The following KSR2 variants were observed in gnomAD, a reference collection of about 807,000 sequenced individuals.
The protein encoded by KSR2 is kinase suppressor of ras 2.
In KSR2, 25 loss-of-function variants were observed where a neutral mutation model predicts 107.8. The observed-to-expected ratio is 0.23, with a 90% CI of 0.17 to 0.32. The LOEUF (loss-of-function observed/expected upper bound fraction) is 0.32. Ranked by LOEUF, KSR2 falls within the 10% of genes least tolerant of loss-of-function variation. The pLI, the probability that KSR2 is intolerant of heterozygous loss-of-function variation, is 1.00. For synonymous variants in KSR2, 480 were observed against 507.0 expected (o/e 0.95, Z 0.71); for missense variants, 887 against 1,268.9 (o/e 0.70, Z 4.57).
intron 1 of KSR2, among the ~76,000 whole-genome samples, chr12:117,966,091 T>C (rs1417254353): frequency 6.6e-6 from 1 of 152,046 alleles, no homozygotes; most frequent in Non-Finnish European, 1.5e-5. Flanking sequence ...CCCATAGCCA[T>C]CCTACCAGTG....
chr12:117,655,809 C>T (rs1185454921), intron 5 of KSR2, among the ~76,000 whole-genome samples: 3 of 152,174 alleles, frequency 2.0e-5, no homozygotes, highest in Non-Finnish European at 2.9e-5. Flanking sequence ...CAAGATGAAA[C>T]CAGTCTGCTA....
intron 5 of KSR2, among the ~76,000 whole-genome samples, chr12:117,587,964 C>G (rs1880109453): frequency 6.6e-6 from 1 of 152,192 alleles, no homozygotes; most frequent in African/African-American, 2.4e-5. Flanking sequence ...CTCCATCACC[C>G]CAACCCCTAC....
At chr12:117,782,501 G>A (rs1889921412) in intron 3 of KSR2, among the ~76,000 whole-genome samples, 2 of 152,186 alleles carry the variant, frequency 1.3e-5, no homozygotes, top group Admixed American at 1.3e-4. Context: ...CTGGACTCAA[G>A]TGATCCATCC....
chr12:117,696,345 A>C (rs1335161360), intron 4 of KSR2, among the ~76,000 whole-genome samples: 1 of 152,202 alleles, frequency 6.6e-6, no homozygotes, highest in Non-Finnish European at 1.5e-5. Flanking sequence ...ACACATTTTC[A>C]AAAGTAATCA....
intron 4 of KSR2, among the ~76,000 whole-genome samples, chr12:117,729,364 C>G (rs920976536): frequency 6.6e-6 from 1 of 152,008 alleles, no homozygotes; most frequent in Non-Finnish European, 1.5e-5. Flanking sequence ...TAGTTGCATA[C>G]GACAACAGGG....
intron 1 of KSR2, among the ~76,000 whole-genome samples, chr12:117,871,332 T>A (rs1893644224): frequency 6.6e-6 from 1 of 152,120 alleles, no homozygotes; most frequent in African/African-American, 2.4e-5. Context: ...CTCACACCTG[T>A]AGTCTCAGCA....
At chr12:117,785,586 A>G (rs1281654939) in intron 3 of KSR2, among the ~76,000 whole-genome samples, 1 of 152,202 alleles carries the variant, frequency 6.6e-6, no homozygotes, top group Non-Finnish European at 1.5e-5. Flanking sequence ...ATAGAGAAAC[A>G]GAAGCTATTA....
At chr12:117,677,061 T>C (rs1264585108) in intron 4 of KSR2, 5 of 152,160 alleles carry the variant, frequency 3.3e-5, no homozygotes, top group Admixed American at 3.3e-4. Flanking sequence ...GCAGGAAGCC[T>C]TCCTTGAAGA....
chr12:117,480,048 G>A (rs1872069610), intron 16 of KSR2, among the ~76,000 whole-genome samples: 1 of 152,028 alleles, frequency 6.6e-6, no homozygotes, highest in African/African-American at 2.4e-5. Flanking sequence ...GTGTGTGTGT[G>A]TGTGTGTGTG....
chr12:117,796,824 A>C lies in KSR2; in HGVS notation c.473-35300T>G, dbSNP rs78713639. 8.3e-3 allele frequency among the ~76,000 whole-genome samples: 1,258 copies of C among 152,150 alleles called. 24 individuals are homozygous for C. Among genetic ancestry groups the C allele is most frequent in the African/African-American group, 0.029 (1,218 of 41,494 alleles). On this transcript the variant is annotated intron_variant, in intron 3 of 19. Transcript: ENST00000339824. ...CCAGCTCAACCCATATGTTGATAGA[A>C]CCCCCATGGCATTCAGTCCCAGACC...
intron 3 of KSR2, among the ~76,000 whole-genome samples, chr12:117,794,222 CACACCAACA>C (rs1890480581): frequency 9.5e-6 from 1 of 105,142 alleles, no homozygotes; most frequent in Non-Finnish European, 1.9e-5. Context: ...AACATGCACA[CACACCAACA>C]TGCACACTCA....
At chr12:117,477,180 A>G (rs916420001) in intron 16 of KSR2, among the ~76,000 whole-genome samples, 2 of 152,138 alleles carry the variant, frequency 1.3e-5, no homozygotes, top group African/African-American at 4.8e-5. Context: ...CTCTGTCTCA[A>G]CCTCCATCCT....
Position 117,579,175 on chromosome 12 carries a change from C to T in KSR2, c.1269G>A (p.Gln423=), listed in dbSNP as rs761697148. ...HRFSTKYWMS[Q]TCTVCGKGML... ...TCCCTTTCCCACAGACTGTGCACGTCTGAGACATCCAGTACTTGGTGGAAA... is the reference window on the plus strand; with the variant it reads ...TCCCTTTCCCACAGACTGTGCACGTTTGAGACATCCAGTACTTGGTGGAAA... Residue 423 remains glutamine (Q), a synonymous_variant, in exon 7 of 20, where the codon CAG becomes CAA. Transcript: ENST00000339824. 2 of 1,613,738 alleles carry T rather than the reference C, an allele frequency of 1.2e-6. No homozygotes were observed. Among genetic ancestry groups the T allele is most frequent in the South Asian group, 1.1e-5 (1 of 90,930 alleles).
At chr12:117,544,810 T>C (rs1876739300) in intron 9 of KSR2, among the ~76,000 whole-genome samples, 1 of 152,226 alleles carries the variant, frequency 6.6e-6, no homozygotes, top group South Asian at 2.1e-4. Flanking sequence ...CTTTCCAATC[T>C]GCATGTCTTG....
intron 9 of KSR2, among the ~76,000 whole-genome samples, chr12:117,540,618 T>C (rs949970972): frequency 6.6e-6 from 1 of 152,138 alleles, no homozygotes. Flanking sequence ...CAATGACAAA[T>C]ATCCAAATCA....
intron 3 of KSR2, among the ~76,000 whole-genome samples, chr12:117,814,803 C>G (rs1891314914): frequency 6.6e-6 from 1 of 152,144 alleles, no homozygotes; most frequent in African/African-American, 2.4e-5. Context: ...TTGAATCACC[C>G]AGGTACATGT....
intron 14 of KSR2, among the ~76,000 whole-genome samples, chr12:117,499,344 G>A (rs1234185159): frequency 6.6e-6 from 1 of 152,150 alleles, no homozygotes; most frequent in Non-Finnish European, 1.5e-5. Context: ...TCCCCTTGCT[G>A]CTTATCTTTC....
chr12:117,520,058 T>A (rs1020180023), intron 14 of KSR2, among the ~76,000 whole-genome samples: 2 of 152,162 alleles, frequency 1.3e-5, no homozygotes, highest in East Asian at 1.9e-4. Context: ...AAATGCAGAA[T>A]CTCTGTGTCA....
At position 117,582,271 on chromosome 12, in the gene KSR2, A is replaced by G. The variant is rs1164693285; in HGVS notation, c.1241+19T>C. 16 of 1,609,348 alleles carry G rather than the reference A, an allele frequency of 9.9e-6. No homozygotes were observed. Among genetic ancestry groups the G allele is most frequent in the Admixed American group, 3.3e-5 (2 of 59,996 alleles). ...AGAGCTGAGAAGTAGGCACCAGTGC[A>G]CACAGGAATCCAGCCTACCTGTGCT... is the stretch of plus-strand genomic sequence containing the variant. On this transcript the variant is annotated intron_variant, in intron 6 of 19. Transcript: ENST00000339824.
Sources: allele counts gnomAD v4.1 joint callset (sites outside exome capture counted in the v4.1 genomes callset), GRCh38; gene constraint gnomAD v4.1.1; transcripts MANE v1.5; gene names NCBI Gene and HGNC (gene_info 2026-07-23, HGNC 2026-07-21).